The following TEX2 variants were observed in gnomAD, a reference collection of about 807,000 sequenced individuals.
The protein encoded by TEX2 is testis expressed 2.
Under a neutral mutation model 106.9 loss-of-function variants are expected in TEX2, and 53 were observed. That is an observed-to-expected ratio of 0.50 (90% CI 0.40 to 0.62). The LOEUF (loss-of-function observed/expected upper bound fraction) is 0.62. TEX2 is among the 20% of genes least tolerant of loss of function. The probability of loss-of-function intolerance (pLI) is 0.00; values close to 1 mark genes in which losing one functional copy is unlikely to be tolerated. For missense variants in TEX2, 1,207 were observed against 1,379.0 expected, an observed-to-expected ratio of 0.88 and a Z score of 1.98; for synonymous variants, 523 against 534.8, an observed-to-expected ratio of 0.98 and a Z score of 0.30.
In TEX2 at chr17:64,217,127, CA is replaced by C. The variant is rs1198711570; in HGVS notation, c.-25-2886del. Among the ~76,000 whole-genome samples the C allele has an allele frequency of 1.3e-5, 2 of 152,182 alleles. No individual in the cohort carries two copies. The highest frequency in any genetic ancestry group is 1.5e-5 in the Non-Finnish European group (1 of 68,030). Reference sequence around the variant, plus strand: ...AAATGAGGGGATTAGGCTAGATAAACAAAGGCTGCTTCCAGGCCCCAAACTG... The same window carrying C: ...AAATGAGGGGATTAGGCTAGATAAACAAGGCTGCTTCCAGGCCCCAAACTG... On this transcript the variant is annotated intron_variant, in intron 1 of 11. Transcript: ENST00000584379. The surrounding 1 kb of genome is among the most constrained non-coding windows in gnomAD (Gnocchi z 4.3).
chr17:64,164,717 T>C (rs545756125), intron 7 of TEX2, among the ~76,000 whole-genome samples: 1 of 152,040 alleles, frequency 6.6e-6, no homozygotes, highest in East Asian at 1.9e-4. Context: ...TGAAGAAAAA[T>C]AAAAGTGGCC....
At chr17:64,161,251 G>C (rs922566193) in intron 7 of TEX2, among the ~76,000 whole-genome samples, 4 of 152,196 alleles carry the variant, frequency 2.6e-5, no homozygotes, top group Admixed American at 2.0e-4. Flanking sequence ...TTAGTAAGAA[G>C]ACATATGCCT....
intron 8 of TEX2, chr17:64,155,516 G>C (rs146833907): frequency 6.6e-6 from 1 of 151,960 alleles, no homozygotes; most frequent in Non-Finnish European, 1.5e-5. Flanking sequence ...GTGAAATTAC[G>C]TATTTCACTC....
rs1272308443 is a variant in TEX2 at position 64,217,033 on chromosome 17, C to T, written c.-25-2791G>A. 3.3e-5 allele frequency among the ~76,000 whole-genome samples: 5 copies of T among 152,218 alleles called. No individual in the cohort carries two copies. Among genetic ancestry groups the T allele is most frequent in the African/African-American group, 9.6e-5 (4 of 41,452 alleles). On this transcript the variant is annotated intron_variant, in intron 1 of 11. Coordinates refer to ENST00000584379, the MANE Select transcript of TEX2 (RefSeq NM_001288732.2). The surrounding 1 kb of genome is among the most constrained non-coding windows in gnomAD (Gnocchi z 4.3). Reference sequence around the variant, plus strand: ...TAGATTTTTACTAAAATAAGCCACACGAGGCCGGAGCATCACTACTGCTCT... The same window carrying T: ...TAGATTTTTACTAAAATAAGCCACATGAGGCCGGAGCATCACTACTGCTCT...
At chr17:64,230,470 T>C (rs1314664657) in intron 1 of TEX2, 2 of 152,334 alleles carry the variant, frequency 1.3e-5, no homozygotes, top group East Asian at 3.8e-4. Context: ...CACTTGCCTA[T>C]AGGCCCTGAG....
intron 1 of TEX2, among the ~76,000 whole-genome samples, chr17:64,215,864 C>A (rs1343537044): frequency 6.6e-6 from 1 of 152,024 alleles, no homozygotes; most frequent in Non-Finnish European, 1.5e-5. Context: ...ACTGATATTA[C>A]CAACAAGAGA....
intron 6 of TEX2, among the ~76,000 whole-genome samples, chr17:64,175,822 C>T (rs530254996): frequency 6.6e-6 from 1 of 152,352 alleles, no homozygotes; most frequent in South Asian, 2.1e-4. Flanking sequence ...TTTTTGCACA[C>T]TGCCAAGAAC....
chr17:64,243,018 C>T (rs983058060), intron 1 of TEX2, among the ~76,000 whole-genome samples: 4 of 151,980 alleles, frequency 2.6e-5, no homozygotes, highest in African/African-American at 4.8e-5. Context: ...AACCTCTGCC[C>T]TCCAGGTTCA....
chr17:64,192,428 C>T (rs753354810), intron 4 of TEX2, among the ~76,000 whole-genome samples: 3 of 152,166 alleles, frequency 2.0e-5, no homozygotes, highest in Non-Finnish European at 4.4e-5. Flanking sequence ...TATTGATGGT[C>T]ACCACCAGAA....
intron 1 of TEX2, among the ~76,000 whole-genome samples, chr17:64,216,765 C>T (rs1385377414): frequency 1.3e-5 from 2 of 152,210 alleles, no homozygotes; most frequent in Non-Finnish European, 2.9e-5. Context: ...CACCAGGACC[C>T]TGCTTGCCTA....
chr17:64,204,945 T>C (rs1555630594), intron 2 of TEX2, among the ~76,000 whole-genome samples: 1 of 152,160 alleles, frequency 6.6e-6, no homozygotes, highest in Non-Finnish European at 1.5e-5. Flanking sequence ...CATGGGGGGT[T>C]CATTTTACTA....
intron 1 of TEX2, among the ~76,000 whole-genome samples, chr17:64,255,167 T>C (rs1010937649): frequency 2.8e-5 from 4 of 145,380 alleles, no homozygotes; most frequent in African/African-American, 7.5e-5. Flanking sequence ...ACCTGGCCTT[T>C]AAAAAAAAAA....
chr17:64,202,074 A>G (rs1437537882), intron 2 of TEX2, among the ~76,000 whole-genome samples: 1 of 145,070 alleles, frequency 6.9e-6, no homozygotes, highest in Non-Finnish European at 1.5e-5. Context: ...TCACTCTTCT[A>G]AAAAAGAAAA....
chr17:64,175,798 T>A (rs1284112871), intron 6 of TEX2, among the ~76,000 whole-genome samples: 2 of 152,216 alleles, frequency 1.3e-5, no homozygotes, highest in Admixed American at 1.3e-4. Flanking sequence ...GGAGTTCAAG[T>A]ATGTCCTGCT....
intron 2 of TEX2, among the ~76,000 whole-genome samples, chr17:64,196,295 C>T (rs1449958223): frequency 6.6e-6 from 1 of 152,140 alleles, no homozygotes; most frequent in Admixed American, 6.5e-5. Context: ...GTCTTCATTC[C>T]CGTATCCTAT....
At chr17:64,207,454 G>A (rs577915782) in intron 2 of TEX2, among the ~76,000 whole-genome samples, 16 of 152,262 alleles carry the variant, frequency 1.1e-4, no homozygotes, top group African/African-American at 2.6e-4. Context: ...AAAGGCTTCC[G>A]TACCTTCCCT....
intron 10 of TEX2, among the ~76,000 whole-genome samples, chr17:64,152,508 C>T (rs1377702381): frequency 6.6e-6 from 1 of 152,160 alleles, no homozygotes; most frequent in Non-Finnish European, 1.5e-5. Context: ...GATGTGTGAT[C>T]CCCATCTTTA....
At chr17:64,193,473 T>C (rs2032365960) in intron 4 of TEX2, 86 bp downstream of exon 4, 6 of 1,207,610 alleles carry the variant, frequency 5.0e-6, no homozygotes, top group African/African-American at 1.6e-5. Context: ...GCTTCCTTCC[T>C]TCCTTCCTTC....
Position 64,263,208 on chromosome 17 carries a change from C to G in TEX2, c.-66G>C, listed in dbSNP as rs2034331297. ...TGCCTCATTGTACTATGCCGGCGCC[C>G]GTGCTCCCGGCCGCGCGACTCCGGC... On this transcript the variant is annotated 5_prime_UTR_variant, in exon 1 of 12. Transcript: ENST00000584379. The G allele has an allele frequency of 6.6e-6, 1 of 151,492 alleles. No individual in the cohort carries two copies. Among genetic ancestry groups the G allele is most frequent in the Admixed American group, 6.6e-5 (1 of 15,190 alleles). The allele number at this position is 151,492 out of a possible 1,614,324, so 9.4% of individuals were successfully genotyped here. A position where few individuals can be genotyped will look rare whatever the true frequency, so the allele number is the denominator to read the frequency against.
Sources: gnomAD v4.1 joint callset for allele counts (sites outside exome capture counted in the v4.1 genomes callset) on GRCh38, gnomAD v4.1.1 for gene constraint, Gnocchi (gnomAD v3.1) non-coding constraint, MANE v1.5 for transcripts, NCBI Gene and HGNC (gene_info 2026-07-23, HGNC 2026-07-21) for gene names.